Variants in PKLR observed in about 807,000 individuals in gnomAD.
PKLR encodes the protein pyruvate kinase L/R, also known as pyruvate kinase PKLR.
PKLR carries 38 observed loss-of-function variants against 53.6 expected under a neutral mutation model. That is an observed-to-expected ratio of 0.71 (90% CI 0.55 to 0.93). The LOEUF is 0.93. Ranked by LOEUF, PKLR falls within the 40% of genes least tolerant of loss-of-function variation. PKLR has a pLI of 0.00. For synonymous variants in PKLR, 328 were observed against 316.2 expected (o/e 1.04, Z -0.39); for missense variants, 702 against 787.3 (o/e 0.89, Z 1.30).
rs1647315196 is a variant in PKLR, at chr1:155,293,128, C to T, written c.1436+49G>A. 2 of 1,582,680 alleles carry T rather than the reference C, an allele frequency of 1.3e-6. No homozygotes were observed. Among genetic ancestry groups the T allele is most frequent in the Non-Finnish European group, 1.7e-6 (2 of 1,151,412 alleles). ...ACCCAAGCCTGGGGCCCGTCCCAGC[C>T]CACCCCTGACCCAAAGCTCCATCTG... On this transcript the variant is annotated intron_variant, in intron 9 of 10. Coordinates refer to ENST00000342741, the MANE Select transcript of PKLR (RefSeq NM_000298.6). This position sits in a 1 kb window ranked among gnomAD's most constrained non-coding sequence, Gnocchi z 4.2.
rs1297428617 is a variant in PKLR at position 155,294,658 on chromosome 1, C to T, written c.789G>A (p.Gly263=). 6.2e-7 allele frequency: 1 copy of T among 1,614,140 alleles called. No individual in the cohort carries two copies. The highest frequency in any genetic ancestry group is 1.7e-5 in the Admixed American group (1 of 60,020). ...GGTCTCGGACGTCCTGCTCGGACAGCCCGGGCAAGTCCACCTGGGCCCCTG... is the reference window on the plus strand; with the variant it reads ...GGTCTCGGACGTCCTGCTCGGACAGTCCGGGCAAGTCCACCTGGGCCCCTG... ...NLPGAQVDLP[G]LSEQDVRDLR... Residue 263 remains glycine, a synonymous_variant, in exon 6 of 11, where the codon GGG becomes GGA. Coordinates refer to ENST00000342741, the MANE Select transcript of PKLR (RefSeq NM_000298.6).
At chr1:155,303,987 A>G (rs1648162387), upstream of PKLR, among the ~76,000 whole-genome samples, 1 of 152,140 alleles carries the variant, frequency 6.6e-6, no homozygotes, top group Non-Finnish European at 1.5e-5. Flanking sequence ...CCAAGGAGAC[A>G]AAGAGCTGCA....
At chr1:155,300,951 A>C in intron 1 of PKLR, 1 of 1,587,314 alleles carries the variant, frequency 6.3e-7, no homozygotes, top group South Asian at 1.1e-5. Context: ...GGGTTGTCAG[A>C]GGCATGAGGC....
In PKLR at chr1:155,291,772, T is replaced by G; in HGVS notation, c.1602A>C (p.Gln534His). 1 of 1,613,644 alleles carries G rather than the reference T, an allele frequency of 6.2e-7. No homozygotes were observed. The highest frequency in any genetic ancestry group is 8.5e-7 in the Non-Finnish European group (1 of 1,179,878). ...IWADDVDRRV[Q>H]FGIESGKLRG... The stretch of plus-strand genomic sequence containing the variant: ...GTAGCTCACCACTTTCAATGCCAAA[T>G]TGCACCCGGCGATCTACATCATCTG... The change falls in exon 10 of 11, where the codon CAA becomes CAC. Residue 534 changes from glutamine (Q) to histidine (H), a missense_variant. Coordinates refer to ENST00000342741, the MANE Select transcript of PKLR (RefSeq NM_000298.6).
Position 155,293,122 on chromosome 1 carries a change from C to T in PKLR, c.1436+55G>A. ...GACTAAACCCAAGCCTGGGGCCCGT[C>T]CCAGCCCACCCCTGACCCAAAGCTC... On this transcript the variant is annotated intron_variant, in intron 9 of 10. Coordinates refer to ENST00000342741, the MANE Select transcript of PKLR (RefSeq NM_000298.6). This position sits in a 1 kb window ranked among gnomAD's most constrained non-coding sequence, Gnocchi z 4.2. 1 of 1,084,764 alleles carries T rather than the reference C, an allele frequency of 9.2e-7. No homozygotes were observed. Among genetic ancestry groups the T allele is most frequent in the Non-Finnish European group, 1.4e-6 (1 of 721,042 alleles). 67.2% of individuals were successfully genotyped at this position (1,084,764 alleles called of 1,614,324 possible). A position where few individuals can be genotyped will look rare whatever the true frequency, so the allele number is the denominator to read the frequency against.
At chr1:155,298,951 C>CACCTT (rs1647761447) in intron 2 of PKLR, among the ~76,000 whole-genome samples, 6 of 145,442 alleles carry the variant, frequency 4.1e-5, no homozygotes, top group Admixed American at 4.1e-4. Context: ...CCAACTTTCA[C>CACCTT]TCCTTTCTTT....
At chr1:155,308,533 G>C in the PKLR span, 3 of 983,874 alleles carry the variant, frequency 3.0e-6, no homozygotes, top group Non-Finnish European at 2.4e-6. Flanking sequence ...GAGAAAGCTA[G>C]TCCTGCTGCG....
chr1:155,307,924 G>A, the PKLR span, among the ~76,000 whole-genome samples: 2 of 152,102 alleles, frequency 1.3e-5, no homozygotes, highest in African/African-American at 2.4e-5. Context: ...ATTAAGGCGC[G>A]GACCAGCACA....
At chr1:155,302,218 T>C (rs1467677407), upstream of PKLR, among the ~76,000 whole-genome samples, 1 of 148,666 alleles carries the variant, frequency 6.7e-6, no homozygotes, top group Non-Finnish European at 1.5e-5. Flanking sequence ...AATTTTGTTT[T>C]TCTTTTTTCT....
At chr1:155,291,435 G>T (rs1047351807) in intron 10 of PKLR, among the ~76,000 whole-genome samples, 7 of 151,798 alleles carry the variant, frequency 4.6e-5, no homozygotes, top group African/African-American at 1.7e-4. Context: ...GGCAGAGATT[G>T]CAGTGAGCCG....
At chr1:155,307,923 C>T in the PKLR span, among the ~76,000 whole-genome samples, 3 of 152,040 alleles carry the variant, frequency 2.0e-5, no homozygotes, top group Non-Finnish European at 4.4e-5. Context: ...AATTAAGGCG[C>T]GGACCAGCAC....
rs768618808 is a variant in PKLR, at chr1:155,300,082, G to A, written c.283+16C>T. ...CAATAGGCCCTGTGTGGCTGCAGGG[G>A]GATGGGAGTGCTTACCGATGGTGGC... On this transcript the variant is annotated intron_variant, in intron 2 of 10. Transcript: ENST00000342741. 1.9e-6 allele frequency: 3 copies of A among 1,612,144 alleles called. No homozygotes were observed. The highest frequency in any genetic ancestry group is 2.7e-5 in the African/African-American group (2 of 74,896).
the PKLR span, among the ~76,000 whole-genome samples, chr1:155,306,646 C>T: frequency 6.6e-6 from 1 of 152,156 alleles, no homozygotes; most frequent in Non-Finnish European, 1.5e-5. This position sits in a 1 kb window ranked among gnomAD's most constrained non-coding sequence, Gnocchi z 4.2. Context: ...CCATTCCACA[C>T]ACACACACAA....
Position 155,295,176 on chromosome 1 carries a change from G to T in PKLR, c.634C>A (p.Pro212Thr). 1 of 1,614,114 alleles carries T rather than the reference G, an allele frequency of 6.2e-7. No homozygotes were observed. Among genetic ancestry groups the T allele is most frequent in the Non-Finnish European group, 8.5e-7 (1 of 1,179,978 alleles). ...TCAATGTAGATGCGGCCCCCCACCG[G>T]CACGACCCGGACAATATTGGGGTAG... is the stretch of plus-strand genomic sequence containing the variant. ...VDYPNIVRVV[P>T]VGGRIYIDDG... The change falls in exon 5 of 11, where the codon CCG (proline) becomes ACG (threonine). Residue 212 changes from proline (P) to threonine (T), a missense_variant. Pro to Thr is a conservative substitution (Grantham distance 38). This residue lies in a region of PKLR where 519 missense variants were observed against 537.1 expected (regional missense o/e 0.97). Coordinates refer to ENST00000342741, the MANE Select transcript of PKLR (RefSeq NM_000298.6). The surrounding 1 kb of genome is among the most constrained non-coding windows in gnomAD (Gnocchi z 4.3).
upstream of PKLR, among the ~76,000 whole-genome samples, chr1:155,306,161 T>C (rs1239057298): frequency 6.6e-6 from 1 of 152,196 alleles, no homozygotes; most frequent in East Asian, 1.9e-4. The surrounding 1 kb of genome is among the most constrained non-coding windows in gnomAD (Gnocchi z 4.2). Flanking sequence ...AAGCATGGTC[T>C]GCACTTTGTC....
chr1:155,305,796 ATTTTTTTTTTTT>A (rs35024216), upstream of PKLR, among the ~76,000 whole-genome samples: 3 of 133,322 alleles, frequency 2.3e-5, no homozygotes, highest in Non-Finnish European at 3.2e-5. Context: ...TGCCCAGCTA[ATTTTTTTTTTTT>A]TTTTTTTGGT....
chr1:155,298,870 T>C (rs1336380972), intron 2 of PKLR, among the ~76,000 whole-genome samples: 2 of 151,568 alleles, frequency 1.3e-5, no homozygotes, highest in Non-Finnish European at 2.9e-5. Flanking sequence ...CTCGGACCCC[T>C]GACCTCAGGT....
In PKLR at chr1:155,295,660, C is replaced by T. The variant is rs773154027; in HGVS notation, c.375+5G>A. 2 of 1,614,124 alleles carry T rather than the reference C, an allele frequency of 1.2e-6. No homozygotes were observed. Among genetic ancestry groups the T allele is most frequent in the Middle Eastern group, 1.6e-4 (1 of 6,062 alleles). On this transcript the variant is annotated splice_donor_5th_base_variant and intron_variant, in intron 3 of 10. Coordinates refer to ENST00000342741, the MANE Select transcript of PKLR (RefSeq NM_000298.6). The surrounding 1 kb of genome is among the most constrained non-coding windows in gnomAD (Gnocchi z 4.3). ...CCACCCACTGCCCGGCGGCCCGTCCCGCACCTCGTGGGAGCCGTGGGAGAA... is the reference window on the plus strand; with the variant it reads ...CCACCCACTGCCCGGCGGCCCGTCCTGCACCTCGTGGGAGCCGTGGGAGAA...
chr1:155,300,877 G>T (rs150743754), intron 1 of PKLR: 1 of 1,611,176 alleles, frequency 6.2e-7, no homozygotes, highest in South Asian at 1.1e-5. Flanking sequence ...GATTCCAGCC[G>T]CACCTTCCAT....
Sources: gnomAD v4.1 joint callset for allele counts (sites outside exome capture counted in the v4.1 genomes callset) on GRCh38, gnomAD v4.1.1 for gene constraint, gnomAD v4.1.1 regional missense constraint, Gnocchi (gnomAD v3.1) non-coding constraint, MANE v1.5 for transcripts, NCBI Gene and HGNC (gene_info 2026-07-23, HGNC 2026-07-21) for gene names.